The following ZNF486 variants were observed in gnomAD, a reference collection of about 807,000 sequenced individuals.
The protein encoded by ZNF486 is KRAB box only protein 2.
A neutral mutation model predicts 12.8 loss-of-function variants in ZNF486; 12 were observed. The observed-to-expected ratio is 0.94, with a 90% confidence interval of 0.60 to 1.52. The LOEUF (loss-of-function observed/expected upper bound fraction) is 1.52. Among genes scored for constraint, ZNF486 ranks in the 40% most tolerant of loss-of-function variants. The pLI, the probability that ZNF486 is intolerant of heterozygous loss-of-function variation, is 0.00. For missense variants in ZNF486, 738 were observed against 545.0 expected, an observed-to-expected ratio of 1.35 and a Z score of -3.53; for synonymous variants, 231 against 184.9, an observed-to-expected ratio of 1.25 and a Z score of -2.02.
At chr19:20,185,797 A>G (rs2089836653) in intron 2 of ZNF486, among the ~76,000 whole-genome samples, 190 bp from the exon 3 acceptor site, 1 of 143,032 alleles carries the variant, frequency 7.0e-6, no homozygotes, top group Non-Finnish European at 1.5e-5. Flanking sequence ...ATTTTACTCC[A>G]TCTCCAAAAA....
intron 1 of ZNF486, among the ~76,000 whole-genome samples, 169 bp downstream of exon 1, chr19:20,167,529 C>G (rs555924149): frequency 5.9e-5 from 9 of 152,312 alleles, no homozygotes; most frequent in African/African-American, 1.9e-4. Flanking sequence ...GCTGCGCTGA[C>G]AGCCGGTCCC....
In ZNF486 at chr19:20,198,260, C is replaced by T. The variant is rs1485617605; in HGVS notation, c.*158C>T. ...CTAGGATTACAGGGCTGCACCACCA[C>T]ACCTGGCTAATTTTGTATTTTTAGT... On this transcript the variant is annotated 3_prime_UTR_variant, in exon 4 of 4. Coordinates refer to ENST00000335117, the MANE Select transcript of ZNF486 (RefSeq NM_052852.4). The T allele has an allele frequency of 7.9e-6, 5 of 635,522 alleles. No individual in the cohort carries two copies. The highest frequency in any genetic ancestry group is 1.4e-5 in the Non-Finnish European group (5 of 368,276). The allele number at this position is 635,522 out of a possible 1,614,324, so 39.4% of individuals were successfully genotyped here. A position where few individuals can be genotyped will look rare whatever the true frequency, so the allele number is the denominator to read the frequency against.
chr19:20,180,049 G>A (rs981945286), intron 1 of ZNF486, among the ~76,000 whole-genome samples: 8 of 152,240 alleles, frequency 5.3e-5, no homozygotes, highest in African/African-American at 1.9e-4. Flanking sequence ...ATCAGCCTGA[G>A]TTTCTCCAGA....
intron 1 of ZNF486, 97 bp downstream of exon 1, chr19:20,167,457 A>G (rs147339135): frequency 5.1e-5 from 72 of 1,420,772 alleles, no homozygotes; most frequent in Admixed American, 1.6e-4. Context: ...CAGCTCCACA[A>G]TCTGCGTCCG....
chr19:20,187,478 G>T (rs2089860941), intron 3 of ZNF486, among the ~76,000 whole-genome samples: 1 of 148,822 alleles, frequency 6.7e-6, no homozygotes, highest in South Asian at 2.1e-4. Flanking sequence ...GCCTAAATTT[G>T]ATGGAGCAAA....
intron 3 of ZNF486, among the ~76,000 whole-genome samples, chr19:20,194,590 T>TCA (rs1464372115): frequency 1.3e-5 from 2 of 152,096 alleles, no homozygotes; most frequent in Admixed American, 6.6e-5. Context: ...TAGCCAGGCA[T>TCA]GGTGGCGCAC....
At chr19:20,179,242 C>A (rs577540247) in intron 1 of ZNF486, among the ~76,000 whole-genome samples, 41 of 151,386 alleles carry the variant, frequency 2.7e-4, no homozygotes, top group African/African-American at 9.2e-4. Flanking sequence ...TATCCCATGC[C>A]CTAAAACATA....
At chr19:20,192,685 A>T (rs539393628) in intron 3 of ZNF486, among the ~76,000 whole-genome samples, 26 of 152,126 alleles carry the variant, frequency 1.7e-4, no homozygotes, top group African/African-American at 6.0e-4. Context: ...AACCTCCAAA[A>T]CTCAGATGAT....
rs373736762 is a variant in ZNF486 at position 20,190,559 on chromosome 19, C to T, written c.253+4477C>T. On this transcript the variant is annotated intron_variant, in intron 3 of 3. Coordinates refer to ENST00000335117, the MANE Select transcript of ZNF486 (RefSeq NM_052852.4). The stretch of plus-strand genomic sequence containing the variant: ...ACTACCATGTCTGCCTAATTGTTTG[C>T]TTGTTTGCAGTGTTAGGATCTCATT... Among the ~76,000 whole-genome samples, 7 of 152,182 alleles carry T rather than the reference C, an allele frequency of 4.6e-5. No individual in the cohort carries two copies. In the East Asian group the frequency reaches 1.4e-3, roughly 29 times the overall value.
intron 3 of ZNF486, among the ~76,000 whole-genome samples, chr19:20,191,726 C>T (rs563583849): frequency 1.3e-5 from 2 of 152,186 alleles, no homozygotes; most frequent in South Asian, 2.1e-4. Flanking sequence ...GCTGAGATTG[C>T]GCCACTGTAC....
intron 3 of ZNF486, among the ~76,000 whole-genome samples, chr19:20,196,403 A>G (rs1475880816): frequency 6.6e-6 from 1 of 152,188 alleles, no homozygotes; most frequent in African/African-American, 2.4e-5. Flanking sequence ...ATCTTGGCTT[A>G]CTGCAACCTC....
At chr19:20,179,415 G>T (rs1411580456) in intron 1 of ZNF486, among the ~76,000 whole-genome samples, 2 of 150,172 alleles carry the variant, frequency 1.3e-5, no homozygotes, top group African/African-American at 4.9e-5. Context: ...TTGAATCTTT[G>T]CTCCCAGGTT....
intron 1 of ZNF486, among the ~76,000 whole-genome samples, chr19:20,172,595 G>A (rs988852572): frequency 1.3e-5 from 2 of 150,098 alleles, no homozygotes; most frequent in African/African-American, 2.5e-5. Context: ...CACCATGCCC[G>A]GCCTGCCTAC....
rs1165423729 is a variant in ZNF486 at position 20,197,986 on chromosome 19, A to G, written c.1276A>G (p.Thr426Ala). The G allele has an allele frequency of 6.2e-7, 1 of 1,613,808 alleles. No homozygotes were observed. The highest frequency in any genetic ancestry group is 8.5e-7 in the Non-Finnish European group (1 of 1,179,772). ...ATCCTCAAATCTAACTGAACATAAG[A>G]CAACTCATACTGGAGAGAAACCTTA... ...TTSSNLTEHKTTHTGEKPYKC... is the reference protein window; with the variant it reads ...TTSSNLTEHKATHTGEKPYKC... The change falls in exon 4 of 4, where the codon ACA (threonine) becomes GCA (alanine). Residue 426 changes from threonine (T) to alanine (A), a missense_variant. Coordinates refer to ENST00000335117, the MANE Select transcript of ZNF486 (RefSeq NM_052852.4).
chr19:20,172,933 G>A (rs558522761), intron 1 of ZNF486, among the ~76,000 whole-genome samples: 19 of 152,228 alleles, frequency 1.2e-4, no homozygotes, highest in Admixed American at 3.9e-4. Flanking sequence ...GAGTCACCAC[G>A]CCCAGCCAAG....
Position 20,186,061 on chromosome 19 carries a change from G to A in ZNF486, c.232G>A (p.Glu78Lys). Residue 78 changes from glutamate (E) to lysine (K), a missense_variant, in exon 3 of 4, where the codon GAG (glutamate) becomes AAG (lysine). Coordinates refer to ENST00000335117, the MANE Select transcript of ZNF486 (RefSeq NM_052852.4). ...AAAACCTCTGACTATGAAGAGACAT[G>A]AGATGATTGCCAAACCCCCAGGTAG... is the stretch of plus-strand genomic sequence containing the variant. ...GIKPLTMKRH[E>K]MIAKPPVVCS... 2 of 1,594,150 alleles carry A rather than the reference G, an allele frequency of 1.3e-6. No individual in the cohort carries two copies. Among genetic ancestry groups the A allele is most frequent in the Non-Finnish European group, 1.7e-6 (2 of 1,172,114 alleles).
chr19:20,168,419 C>T (rs2089608990), intron 1 of ZNF486, among the ~76,000 whole-genome samples: 1 of 152,178 alleles, frequency 6.6e-6, no homozygotes, highest in Non-Finnish European at 1.5e-5. Flanking sequence ...CTTTGGGAGG[C>T]CAAGGCAGGC....
chr19:20,175,776 G>T (rs970733695), intron 1 of ZNF486, among the ~76,000 whole-genome samples: 3 of 152,150 alleles, frequency 2.0e-5, no homozygotes, highest in African/African-American at 2.4e-5. Context: ...AGTCTTTTCC[G>T]CACCTTTCCC....
chr19:20,179,261 TATCTA>T (rs147172817), intron 1 of ZNF486, among the ~76,000 whole-genome samples: 17,891 of 152,154 alleles, frequency 0.12, 1,460 homozygotes, highest in Non-Finnish European at 0.17. Flanking sequence ...TAATGATAGA[TATCTA>T]ATCAATAATC....
Sources: allele counts gnomAD v4.1 joint callset (sites outside exome capture counted in the v4.1 genomes callset), GRCh38; gene constraint gnomAD v4.1.1; transcripts MANE v1.5; gene names NCBI Gene and HGNC (gene_info 2026-07-23, HGNC 2026-07-21).